Variants in SLC1A1 observed in about 807,000 individuals in gnomAD.
SLC1A1 encodes solute carrier family 1 member 1, also known as excitatory amino acid transporter 3.
SLC1A1 carries 43 observed loss-of-function variants against 53.3 expected under a neutral mutation model. The ratio of observed to expected loss-of-function variants is 0.81; its 90% CI spans 0.63 to 1.04. The LOEUF is 1.04. Among genes scored for constraint, SLC1A1 ranks in the 50% least tolerant of loss-of-function variants. The pLI is 0.00. For missense variants in SLC1A1, 748 were observed against 664.9 expected, an observed-to-expected ratio of 1.12 and a Z score of -1.37; for synonymous variants, 307 against 243.2, an observed-to-expected ratio of 1.26 and a Z score of -2.44.
At chr9:4,502,316 G>A (rs1363031852) in intron 1 of SLC1A1, among the ~76,000 whole-genome samples, 1 of 141,558 alleles carries the variant, frequency 7.1e-6, no homozygotes, top group Non-Finnish European at 1.5e-5. Context: ...GAGCCCGGGA[G>A]GTTGAGTCTG....
intron 1 of SLC1A1, among the ~76,000 whole-genome samples, chr9:4,539,110 AC>A (rs1242813285): frequency 3.9e-5 from 6 of 152,244 alleles, no homozygotes; most frequent in African/African-American, 1.4e-4. Flanking sequence ...ATTTAAAAAA[AC>A]AACAGATGAT....
At chr9:4,535,983 C>T (rs1233903323) in intron 1 of SLC1A1, among the ~76,000 whole-genome samples, 3 of 152,090 alleles carry the variant, frequency 2.0e-5, no homozygotes, top group African/African-American at 4.8e-5. Context: ...GGAAAACTGG[C>T]TAGCCATATG....
At chr9:4,570,928 A>T (rs138942317) in intron 6 of SLC1A1, among the ~76,000 whole-genome samples, 2,046 of 152,100 alleles carry the variant, frequency 0.013, 24 homozygotes, top group Non-Finnish European at 0.019. Context: ...AAAAAAAAAA[A>T]AGGTAAAAAC....
rs752709114 is a variant in SLC1A1, at chr9:4,556,311, C to T, written c.233-5138C>T. ...CTGGGATTACCGGCGTGAGCCACTACGCCCCGCCCCTATCTTTTATTATTA... is the reference window on the plus strand; with the variant it reads ...CTGGGATTACCGGCGTGAGCCACTATGCCCCGCCCCTATCTTTTATTATTA... On this transcript the variant is annotated intron_variant, in intron 2 of 11. Coordinates refer to ENST00000262352, the MANE Select transcript of SLC1A1 (RefSeq NM_004170.6). This position sits in a 1 kb window ranked among gnomAD's most constrained non-coding sequence, Gnocchi z 4.1. Among the ~76,000 whole-genome samples, 6 of 152,310 alleles carry T rather than the reference C, an allele frequency of 3.9e-5. No homozygotes were observed. Among genetic ancestry groups the T allele is most frequent in the East Asian group, 1.9e-4 (1 of 5,186 alleles).
chr9:4,582,373 G>C (rs1050255546), intron 10 of SLC1A1, among the ~76,000 whole-genome samples: 2 of 152,164 alleles, frequency 1.3e-5, no homozygotes, highest in Non-Finnish European at 2.9e-5. Context: ...CTTGTACCTT[G>C]GACAGGATCA....
chr9:4,498,588 A>G (rs1395661218), intron 1 of SLC1A1, among the ~76,000 whole-genome samples: 1 of 152,074 alleles, frequency 6.6e-6, no homozygotes, highest in African/African-American at 2.4e-5. Flanking sequence ...TTTGCTTTCA[A>G]TGAGGAATAT....
rs180948775 is a variant in SLC1A1, at chr9:4,512,197, A to G, written c.91+21427A>G. Among the ~76,000 whole-genome samples, 347 of 152,324 alleles carry G rather than the reference A, an allele frequency of 2.3e-3. 2 individuals carry two copies. The highest frequency in any genetic ancestry group is 4.0e-3 in the Admixed American group (62 of 15,310). On this transcript the variant is annotated intron_variant, in intron 1 of 11. Transcript: ENST00000262352. ...AATCCCAGCAGGGATTTTTGTAGATATACCAGACAAGCTGATTCTAAAATT... is the reference window on the plus strand; with the variant it reads ...AATCCCAGCAGGGATTTTTGTAGATGTACCAGACAAGCTGATTCTAAAATT...
intron 10 of SLC1A1, among the ~76,000 whole-genome samples, chr9:4,578,924 G>T (rs1326602066): frequency 1.3e-5 from 2 of 152,160 alleles, no homozygotes; most frequent in East Asian, 3.9e-4. Flanking sequence ...TGGTCCCTAG[G>T]CCTGCTCAAG....
Position 4,574,150 on chromosome 9 carries a change from CA to C in SLC1A1, c.875+137del, listed in dbSNP as rs375875974. The C allele has an allele frequency of 7.7e-5, 56 of 723,056 alleles. No individual in the cohort carries two copies. The African/African-American group carries it at 8.8e-4, about 11-fold the overall frequency. The allele number at this position is 723,056 out of a possible 1,614,324, so 44.8% of individuals were successfully genotyped here. A position where few individuals can be genotyped will look rare whatever the true frequency, so the allele number is the denominator to read the frequency against. On this transcript the variant is annotated intron_variant, in intron 8 of 11. Transcript: ENST00000262352. ...AAGATAGGGTTCAGAGATAAGACAG[CA>C]GGGGGAGGAGGGCTGCCCTTTAACA...
At chr9:4,515,934 G>A (rs1036227008) in intron 1 of SLC1A1, among the ~76,000 whole-genome samples, 1 of 152,144 alleles carries the variant, frequency 6.6e-6, no homozygotes, top group African/African-American at 2.4e-5. Context: ...AGTTAGCTAT[G>A]TTCCCTGGAG....
At chr9:4,508,651 G>C (rs1232640724) in intron 1 of SLC1A1, among the ~76,000 whole-genome samples, 1 of 152,200 alleles carries the variant, frequency 6.6e-6, no homozygotes, top group Non-Finnish European at 1.5e-5. Context: ...ATGGCCCTGA[G>C]ACAATAAATT....
At chr9:4,510,298 G>A (rs544189517) in intron 1 of SLC1A1, among the ~76,000 whole-genome samples, 18 of 152,242 alleles carry the variant, frequency 1.2e-4, no homozygotes, top group Admixed American at 5.2e-4. Context: ...AGCATTGCCC[G>A]TGCATCTACC....
intron 1 of SLC1A1, among the ~76,000 whole-genome samples, chr9:4,519,682 C>T (rs1194771001): frequency 6.6e-6 from 1 of 152,194 alleles, no homozygotes; most frequent in Admixed American, 6.5e-5. Flanking sequence ...GTACTCTTCT[C>T]ATTTCTCTTT....
Position 4,490,704 on chromosome 9 carries a change from T to G in SLC1A1, c.25T>G (p.Cys9Gly). 6.2e-7 allele frequency: 1 copy of G among 1,612,648 alleles called. No homozygotes were observed. Among genetic ancestry groups the G allele is most frequent in the East Asian group, 2.2e-5 (1 of 44,802 alleles). MGKPARKG[C>G]EWKRFLKNNW... ...CATGGGGAAACCGGCGAGGAAAGGA[T>G]GCGAGTGGAAGCGCTTCCTGAAGAA... Residue 9 changes from cysteine (C) to glycine (G), a missense_variant, in exon 1 of 12, where the codon TGC becomes GGC. Transcript: ENST00000262352.
chr9:4,578,524 A>G (rs1820772877), intron 10 of SLC1A1, among the ~76,000 whole-genome samples: 1 of 152,208 alleles, frequency 6.6e-6, no homozygotes, highest in African/African-American at 2.4e-5. Flanking sequence ...GGAAAACCCA[A>G]GAGGGAGAGG....
intron 1 of SLC1A1, among the ~76,000 whole-genome samples, chr9:4,505,378 ATATAGGGTC>A (rs1191948607): frequency 6.6e-6 from 1 of 152,070 alleles, no homozygotes; most frequent in Non-Finnish European, 1.5e-5. Flanking sequence ...CTGGATAGCA[ATATAGGGTC>A]TTGTCTTTCA....
chr9:4,581,230 G>C (rs1821067619), intron 10 of SLC1A1, among the ~76,000 whole-genome samples: 1 of 152,202 alleles, frequency 6.6e-6, no homozygotes, highest in African/African-American at 2.4e-5. Context: ...CCTTCAACCT[G>C]TTTAGAGAGC....
intron 1 of SLC1A1, among the ~76,000 whole-genome samples, chr9:4,536,227 C>G (rs1207464893): frequency 2.0e-5 from 3 of 152,078 alleles, no homozygotes; most frequent in Non-Finnish European, 4.4e-5. Context: ...TTCTGCACAG[C>G]AAAAGAAACT....
At chr9:4,526,130 A>G (rs1816249839) in intron 1 of SLC1A1, among the ~76,000 whole-genome samples, 1 of 152,178 alleles carries the variant, frequency 6.6e-6, no homozygotes, top group Non-Finnish European at 1.5e-5. Flanking sequence ...ACAACAAAAC[A>G]AAACAACAAC....
Sources: gnomAD v4.1 joint callset for allele counts (sites outside exome capture counted in the v4.1 genomes callset) on GRCh38, gnomAD v4.1.1 for gene constraint, Gnocchi (gnomAD v3.1) non-coding constraint, MANE v1.5 for transcripts, NCBI Gene and HGNC (gene_info 2026-07-23, HGNC 2026-07-21) for gene names.